IFI16: variants seen among roughly 807,000 people sequenced by gnomAD.
IFI16 encodes the protein interferon gamma inducible protein 16.
Under a neutral mutation model 68.4 loss-of-function variants are expected in IFI16, and 49 were observed. The observed-to-expected ratio is 0.72, with a 90% confidence interval of 0.57 to 0.91. The LOEUF is 0.91. Among genes scored for constraint, IFI16 ranks in the 40% least tolerant of loss-of-function variants. The pLI, the probability that IFI16 is intolerant of heterozygous loss-of-function variation, is 0.00. For synonymous variants in IFI16, 307 were observed against 315.0 expected, an observed-to-expected ratio of 0.97 and a Z score of 0.27; for missense variants, 878 against 942.9, an observed-to-expected ratio of 0.93 and a Z score of 0.90.
At chr1:159,025,771 C>T (rs889059095) in intron 6 of IFI16, among the ~76,000 whole-genome samples, 2 of 152,126 alleles carry the variant, frequency 1.3e-5, no homozygotes, top group Non-Finnish European at 2.9e-5. Context: ...AAGGTTTTTC[C>T]GATATTATCT....
intron 1 of IFI16, among the ~76,000 whole-genome samples, chr1:159,013,041 T>C (rs1159433103): frequency 6.6e-6 from 1 of 152,174 alleles, no homozygotes; most frequent in East Asian, 1.9e-4. Flanking sequence ...ACCGAAGGCT[T>C]ACAGAGTATT....
chr1:159,024,290 G>A (rs763186537), intron 6 of IFI16, among the ~76,000 whole-genome samples: 7 of 152,102 alleles, frequency 4.6e-5, no homozygotes, highest in Non-Finnish European at 8.8e-5. Context: ...GGGGAAGATG[G>A]GGGAATAATG....
At chr1:159,042,238 T>C (rs968575086) in intron 7 of IFI16, among the ~76,000 whole-genome samples, 2 of 152,246 alleles carry the variant, frequency 1.3e-5, no homozygotes, top group East Asian at 3.8e-4. Context: ...GTGTGTGATA[T>C]GGATTATTCC....
chr1:159,010,465 T>A (rs1571826184), intron 1 of IFI16, among the ~76,000 whole-genome samples: 1 of 152,344 alleles, frequency 6.6e-6, no homozygotes, highest in South Asian at 2.1e-4. Context: ...AGAAGAGGGC[T>A]TCTGTTATTT....
rs76714049 is a variant in IFI16 at position 159,031,796 on chromosome 1, G to A, written c.1162-728G>A. Among the ~76,000 whole-genome samples, 1,245 of 152,210 alleles carry A rather than the reference G, an allele frequency of 8.2e-3. 17 individuals are homozygous for A. Among genetic ancestry groups the A allele is most frequent in the African/African-American group, 0.028 (1,164 of 41,528 alleles). ...GCCTATTAAGATATATTAGGAGAATGATGTTCCTCATAGGCTTCAAAAGGA... is the reference window on the plus strand; with the variant it reads ...GCCTATTAAGATATATTAGGAGAATAATGTTCCTCATAGGCTTCAAAAGGA... On this transcript the variant is annotated intron_variant, in intron 6 of 11. Coordinates refer to ENST00000295809, the MANE Select transcript of IFI16 (RefSeq NM_001376587.1).
At chr1:159,046,359 A>G (rs898232485) in intron 8 of IFI16, among the ~76,000 whole-genome samples, 3 of 151,246 alleles carry the variant, frequency 2.0e-5, no homozygotes, top group East Asian at 1.9e-4. Context: ...AATGTTATGG[A>G]AAATTGGCCA....
At chr1:159,000,495 CCTT>C (rs1652015363) in intron 1 of IFI16, 1 of 152,660 alleles carries the variant, frequency 6.6e-6, no homozygotes, top group South Asian at 2.1e-4. Context: ...GCAAGATAGT[CCTT>C]CTTCCTGGGA....
chr1:159,054,854 C>T lies in IFI16; in HGVS notation c.2311C>T (p.Leu771Phe), dbSNP rs747303188. The change falls in exon 12 of 12, where the codon CTC becomes TTC. Residue 771 changes from leucine to phenylalanine, a missense_variant. Leu to Phe is a conservative substitution (Grantham distance 22). Transcript: ENST00000295809. Reference protein sequence around the residue: ...IKTRKNKKDILNPDSSMETSP... With the variant: ...IKTRKNKKDIFNPDSSMETSP... Reference sequence around the variant, plus strand: ...GACCAGGAAAAACAAGAAAGACATACTCAATCCTGATTCAAGTATGGAAAC... The same window carrying T: ...GACCAGGAAAAACAAGAAAGACATATTCAATCCTGATTCAAGTATGGAAAC... 1.3e-5 allele frequency: 21 copies of T among 1,604,554 alleles called. No homozygotes were observed. In the South Asian group the frequency reaches 2.1e-4, roughly 16 times the overall value.
rs1447154927 is a variant in IFI16 at position 159,032,537 on chromosome 1, C to A, written c.1175C>A (p.Thr392Lys). Residue 392 changes from threonine (T) to lysine (K), a missense_variant, in exon 7 of 12, where the codon ACA becomes AAA. Transcript: ENST00000295809. ...GAATACTTTCAGATAAAGAAAAAAACAAACCCGAGAAACAATGACCCCAAG... is the reference window on the plus strand; with the variant it reads ...GAATACTTTCAGATAAAGAAAAAAAAAAACCCGAGAAACAATGACCCCAAG... ...MHSFIQIKKK[T>K]NPRNNDPKSM... 7.6e-6 allele frequency: 12 copies of A among 1,576,232 alleles called. No individual in the cohort carries two copies. In the East Asian group the frequency reaches 9.1e-5, roughly 12 times the overall value.
Position 159,014,893 on chromosome 1 carries a change from T to TA in IFI16, c.214dup (p.Ile72AsnfsTer5). 1 of 1,613,634 alleles carries TA rather than the reference T, an allele frequency of 6.2e-7. No homozygotes were observed. The highest frequency in any genetic ancestry group is 8.5e-7 in the Non-Finnish European group (1 of 1,179,892). On this transcript the variant is annotated frameshift_variant, in exon 2 of 12. Coordinates refer to ENST00000295809, the MANE Select transcript of IFI16 (RefSeq NM_001376587.1). LOFTEE classifies it high-confidence loss of function. ...GCAAACTAATAAAAATTTTCGAAGA[T>TA]ATACCAACGCTTGAAGACCTGGCTG...
At chr1:159,016,512 G>C (rs376389831) in intron 3 of IFI16, 21 bp from the exon 4 acceptor site, 1 of 1,596,032 alleles carries the variant, frequency 6.3e-7, no homozygotes, top group Non-Finnish European at 8.5e-7. Flanking sequence ...ACGAATAACA[G>C]GAAAATCAAA....
chr1:159,008,474 T>TGACC (rs2101785622), upstream of IFI16, among the ~76,000 whole-genome samples: 1 of 152,286 alleles, frequency 6.6e-6, no homozygotes, highest in Admixed American at 6.5e-5. Context: ...CCCTTATAGG[T>TGACC]GACCGCAGTT....
At chr1:159,013,351 G>A (rs1652704384) in intron 1 of IFI16, among the ~76,000 whole-genome samples, 1 of 151,564 alleles carries the variant, frequency 6.6e-6, no homozygotes, top group Non-Finnish European at 1.5e-5. Flanking sequence ...GGTATTTTTA[G>A]TGGAAACGAG....
chr1:159,003,837 T>G, upstream of IFI16, among the ~76,000 whole-genome samples: 1 of 151,804 alleles, frequency 6.6e-6, no homozygotes, highest in East Asian at 1.9e-4. Context: ...ATTTTTTGTA[T>G]TTTTAGTAGA....
chr1:159,022,211 G>A (rs1453811946), intron 6 of IFI16, among the ~76,000 whole-genome samples: 2 of 151,984 alleles, frequency 1.3e-5, no homozygotes, highest in East Asian at 1.9e-4. Flanking sequence ...TGATCCGCCC[G>A]CCTCGGCCTC....
At chr1:159,024,418 G>A (rs1653524052) in intron 6 of IFI16, among the ~76,000 whole-genome samples, 2 of 152,204 alleles carry the variant, frequency 1.3e-5, no homozygotes, top group African/African-American at 2.4e-5. Context: ...GAGAAGGACA[G>A]AGTTACATTG....
chr1:159,002,507 C>T (rs1224102407), upstream of IFI16, among the ~76,000 whole-genome samples: 1 of 152,106 alleles, frequency 6.6e-6, no homozygotes, highest in African/African-American at 2.4e-5. Flanking sequence ...TTTCTAAGCT[C>T]ATCCTTCAAT....
chr1:159,018,356 A>G lies in IFI16; in HGVS notation c.677A>G (p.Lys226Arg), dbSNP rs1196122460. 2 of 1,614,208 alleles carry G rather than the reference A, an allele frequency of 1.2e-6. No homozygotes were observed. Among genetic ancestry groups the G allele is most frequent in the South Asian group, 2.2e-5 (2 of 91,082 alleles). Reference sequence around the variant, plus strand: ...TATGAGACCCCAGAAATGGAGAAAAAAATAATGTTTCATGCTACAGTGGCT... The same window carrying G: ...TATGAGACCCCAGAAATGGAGAAAAGAATAATGTTTCATGCTACAGTGGCT... ...FEYETPEMEK[K>R]IMFHATVATQ... Residue 226 changes from lysine to arginine, a missense_variant, in exon 5 of 12, where the codon AAA (lysine) becomes AGA (arginine). This residue lies in a region of IFI16 where 443 missense variants were observed against 421.8 expected (regional missense o/e 1.05). Transcript: ENST00000295809.
intron 9 of IFI16, 21 bp downstream of exon 9, chr1:159,049,620 A>G (rs781396151): frequency 3.7e-6 from 6 of 1,612,812 alleles, no homozygotes; most frequent in East Asian, 2.2e-5. Context: ...CCTCTTCCCA[A>G]TACATTCCCC....
Sources: gnomAD v4.1 joint callset for allele counts (sites outside exome capture counted in the v4.1 genomes callset) on GRCh38, gnomAD v4.1.1 for gene constraint, gnomAD v4.1.1 regional missense constraint, MANE v1.5 for transcripts, NCBI Gene and HGNC (gene_info 2026-07-23, HGNC 2026-07-21) for gene names.